Variants in IDO2 observed in about 807,000 individuals in gnomAD.
IDO2 encodes indoleamine 2,3-dioxygenase 2.
In IDO2, 46 loss-of-function variants were observed where a neutral mutation model predicts 45.1. The observed-to-expected ratio is 1.02, with a 90% CI of 0.80 to 1.30. The LOEUF (loss-of-function observed/expected upper bound fraction) is 1.30, where lower values mean the gene tolerates loss of function less well. Among genes scored for constraint, IDO2 ranks in the 50% most tolerant of loss-of-function variants. The pLI is 0.00. For synonymous variants in IDO2, 218 were observed against 184.9 expected, an observed-to-expected ratio of 1.18 and a Z score of -1.45; for missense variants, 544 against 491.8, an observed-to-expected ratio of 1.11 and a Z score of -1.00.
chr8:40,015,701 C>T (rs1302391558), exon 11 of IDO2: 1 of 840,038 alleles, frequency 1.2e-6, no homozygotes, highest in Non-Finnish European at 1.9e-6. Context: ...CAGGAAGGAT[C>T]TCAGCCCTAT....
intron 8 of IDO2, chr8:39,995,221 C>CTT (rs1802017815): frequency 8.2e-5 from 6 of 73,540 alleles, no homozygotes; most frequent in African/African-American, 2.8e-4. Context: ...TTCTCCTTCT[C>CTT]CTTCTCCTTC....
At chr8:39,944,056 C>T (rs1405800174) in intron 1 of IDO2, among the ~76,000 whole-genome samples, 2 of 151,668 alleles carry the variant, frequency 1.3e-5, no homozygotes, top group African/African-American at 2.4e-5. Flanking sequence ...TGCGTGAGAA[C>T]GGTTGCATTA....
chr8:39,963,679 C>T, exon 3 of IDO2: 9 of 1,608,878 alleles, frequency 5.6e-6, no homozygotes, highest in South Asian at 1.1e-5. Context: ...TTGATGCTCA[C>T]CAGCTTCAAG....
intron 1 of IDO2, among the ~76,000 whole-genome samples, chr8:39,939,501 C>T (rs562382097): frequency 2.3e-4 from 30 of 129,742 alleles, no homozygotes; most frequent in African/African-American, 8.5e-4. Context: ...GAGCCGATAT[C>T]GCACCACTGT....
At chr8:39,997,975 C>T in intron 8 of IDO2, 1 of 229,032 alleles carries the variant, frequency 4.4e-6, no homozygotes, top group Non-Finnish European at 9.2e-6. Context: ...GACTGGCTAG[C>T]AAATGCCTAT....
chr8:40,005,551 G>A (rs1397865238), intron 9 of IDO2, among the ~76,000 whole-genome samples, 173 bp downstream of exon 9: 1 of 152,180 alleles, frequency 6.6e-6, no homozygotes, highest in Non-Finnish European at 1.5e-5. Context: ...AAATAACACT[G>A]AGGGCTAAGT....
At chr8:40,000,403 C>T (rs1389708989) in intron 8 of IDO2, among the ~76,000 whole-genome samples, 1 of 149,110 alleles carries the variant, frequency 6.7e-6, no homozygotes, top group African/African-American at 2.5e-5. Context: ...AGTGAGACTC[C>T]ATCTTCAAAA....
intron 3 of IDO2, among the ~76,000 whole-genome samples, chr8:39,973,741 T>C: frequency 2.2e-5 from 1 of 45,322 alleles, no homozygotes; most frequent in African/African-American, 2.1e-4. Context: ...TGTTTCGTTT[T>C]CTTCTTTTTT....
At chr8:39,991,187 G>T (rs1808491771) in intron 8 of IDO2, among the ~76,000 whole-genome samples, 1 of 152,232 alleles carries the variant, frequency 6.6e-6, no homozygotes, top group African/African-American at 2.4e-5. Flanking sequence ...ACAGGATTAG[G>T]TATTATCCAC....
At chr8:39,986,481 G>A (rs1342045663) in intron 6 of IDO2, 1 of 152,074 alleles carries the variant, frequency 6.6e-6, no homozygotes, top group African/African-American at 2.4e-5. Context: ...ACTTTGTCTT[G>A]GTTTGGTTTG....
At chr8:39,979,124 C>T (rs1464435086) in exon 4 of IDO2, 1 of 1,603,230 alleles carries the variant, frequency 6.2e-7, no homozygotes, top group Non-Finnish European at 8.5e-7. Context: ...CCTGGCCCAC[C>T]TGGTCCTGAG....
At position 39,982,774 on chromosome 8, in the gene IDO2, A is replaced by T; in HGVS notation, c.434+4A>T. ...GGACCAAAAAAGATCCAGACGGGTA[A>T]GGAAGGAAGAGAATGCTTTGAATTT... On this transcript the variant is annotated splice_donor_region_variant and intron_variant, in intron 5 of 10. Coordinates refer to ENST00000502986, the Ensembl canonical transcript of IDO2. 3 of 1,527,828 alleles carry T rather than the reference A, an allele frequency of 2.0e-6. No individual in the cohort carries two copies. Among genetic ancestry groups the T allele is most frequent in the Non-Finnish European group, 2.7e-6 (3 of 1,119,800 alleles). 94.6% of individuals were successfully genotyped at this position (1,527,828 alleles called of 1,614,324 possible). A position where few individuals can be genotyped will look rare whatever the true frequency, so the allele number is the denominator to read the frequency against.
chr8:39,938,932 A>G (rs182920483), intron 1 of IDO2, among the ~76,000 whole-genome samples: 2 of 152,202 alleles, frequency 1.3e-5, no homozygotes, highest in African/African-American at 4.8e-5. Flanking sequence ...CAGCACTCTC[A>G]GTGCTGGTGA....
chr8:39,986,383 C>T (rs1808423037), intron 6 of IDO2: 1 of 152,118 alleles, frequency 6.6e-6, no homozygotes, highest in South Asian at 2.1e-4. Flanking sequence ...ATAAGAGTGT[C>T]CAGTAGAAAA....
chr8:39,969,875 CAAA>C lies in IDO2; in HGVS notation c.195+6187_195+6189del, dbSNP rs34762202. Among the ~76,000 whole-genome samples, 193 of 140,734 alleles carry C rather than the reference CAAA, an allele frequency of 1.4e-3. 1 individual carries two copies. Among genetic ancestry groups the C allele is most frequent in the Middle Eastern group, 7.5e-3 (2 of 266 alleles). The allele number at this position is 140,734 out of a possible 152,430, so 92.3% of individuals were successfully genotyped here. A position where few individuals can be genotyped will look rare whatever the true frequency, so the allele number is the denominator to read the frequency against. ...GGGCAACAAGAGTAAAACTCCTTCTCAAAAAAAAAAAAAAAAATATCTAAAGCT... is the reference window on the plus strand; with the variant it reads ...GGGCAACAAGAGTAAAACTCCTTCTCAAAAAAAAAAAAAATATCTAAAGCT... On this transcript the variant is annotated intron_variant, in intron 3 of 10. Transcript: ENST00000502986.
At chr8:39,957,668 A>G (rs191063981) in intron 2 of IDO2, among the ~76,000 whole-genome samples, 2 of 152,272 alleles carry the variant, frequency 1.3e-5, no homozygotes, top group Admixed American at 1.3e-4. Flanking sequence ...AACTCTTCCT[A>G]CAGGGCCCCT....
intron 8 of IDO2, among the ~76,000 whole-genome samples, chr8:40,000,933 G>A (rs563737635): frequency 6.6e-5 from 10 of 152,200 alleles, no homozygotes; most frequent in African/African-American, 2.2e-4. Flanking sequence ...TCTGATAGGC[G>A]TATAGTGGTG....
chr8:39,967,265 A>G (rs1302324198), intron 3 of IDO2, among the ~76,000 whole-genome samples: 1 of 152,198 alleles, frequency 6.6e-6, no homozygotes, highest in Non-Finnish European at 1.5e-5. Flanking sequence ...CTTCCAACAT[A>G]TAAGCACAAA....
chr8:40,013,583 A>G, exon 10 of IDO2: 2 of 1,613,562 alleles, frequency 1.2e-6, no homozygotes, highest in Non-Finnish European at 1.7e-6. Flanking sequence ...ACAACCCAGC[A>G]ATGCCTGCAG....
Sources: allele counts gnomAD v4.1 joint callset (sites outside exome capture counted in the v4.1 genomes callset), GRCh38; gene constraint gnomAD v4.1.1; transcripts MANE v1.5; gene names NCBI Gene and HGNC (gene_info 2026-07-23, HGNC 2026-07-21).